The following SHROOM3 variants were observed in gnomAD, a reference collection of about 807,000 sequenced individuals.
SHROOM3 encodes the protein protein Shroom3.
SHROOM3 carries 47 observed loss-of-function variants against 138.6 expected under a neutral mutation model. The ratio of observed to expected loss-of-function variants is 0.34; its 90% CI spans 0.27 to 0.43. The LOEUF (loss-of-function observed/expected upper bound fraction) is 0.43, where lower values mean the gene tolerates loss of function less well. SHROOM3 is among the 20% of genes least tolerant of loss of function. The pLI, the probability that SHROOM3 is intolerant of heterozygous loss-of-function variation, is 1.00. For synonymous variants in SHROOM3, 1,062 were observed against 1,063.3 expected, an observed-to-expected ratio of 1.00 and a Z score of 0.02; for missense variants, 2,491 against 2,596.5, an observed-to-expected ratio of 0.96 and a Z score of 0.88.
chr4:76,743,843 A>G (rs1341815194), intron 5 of SHROOM3, among the ~76,000 whole-genome samples: 1 of 152,166 alleles, frequency 6.6e-6, no homozygotes, highest in African/African-American at 2.4e-5. Context: ...CTATCCTACC[A>G]CTAACACACA....
intron 1 of SHROOM3, among the ~76,000 whole-genome samples, chr4:76,540,513 T>C (rs867326673): frequency 6.6e-6 from 1 of 152,106 alleles, no homozygotes; most frequent in Non-Finnish European, 1.5e-5. Flanking sequence ...TCAAAATCAA[T>C]CTCATAATGA....
In SHROOM3 at chr4:76,741,821, C is replaced by T. The variant is rs778932431; in HGVS notation, c.3648C>T (p.Ala1216=). Residue 1216 remains alanine (A), a synonymous_variant, in exon 5 of 11, where the codon GCC becomes GCT. Transcript: ENST00000296043. The surrounding 1 kb of genome is among the most constrained non-coding windows in gnomAD (Gnocchi z 6.2). ...AGCCATCCTCCTGGGGGGCCAGGGC[C>T]GGGAAGTCCATGTCGGCCGAGGACC... ...PREPSSWGAR[A]GKSMSAEDLL... is the part of the protein sequence containing the mutation. The T allele has an allele frequency of 1.9e-6, 3 of 1,592,588 alleles. No homozygotes were observed. The highest frequency in any genetic ancestry group is 1.3e-5 in the African/African-American group (1 of 74,792).
chr4:76,612,105 G>T (rs575881649), intron 2 of SHROOM3, among the ~76,000 whole-genome samples: 7 of 151,986 alleles, frequency 4.6e-5, no homozygotes, highest in Non-Finnish European at 8.8e-5. Context: ...CTCTAAACCC[G>T]CTCAGAGGGA....
At chr4:76,685,982 A>G (rs1719324399) in intron 2 of SHROOM3, among the ~76,000 whole-genome samples, 1 of 150,690 alleles carries the variant, frequency 6.6e-6, no homozygotes, top group African/African-American at 2.5e-5. Flanking sequence ...AAAATAAAAT[A>G]AAAGAAAGTA....
chr4:76,533,205 GATT>G (rs1185423719), intron 1 of SHROOM3, among the ~76,000 whole-genome samples: 1 of 152,178 alleles, frequency 6.6e-6, no homozygotes, highest in Admixed American at 6.5e-5. Flanking sequence ...TCAGGGCCCA[GATT>G]ATTATTTGTC....
chr4:76,712,727 A>T (rs754439731), intron 3 of SHROOM3, among the ~76,000 whole-genome samples: 1 of 152,220 alleles, frequency 6.6e-6, no homozygotes, highest in African/African-American at 2.4e-5. Flanking sequence ...TGTATGTGTC[A>T]TATCTCTACA....
At chr4:76,748,936 T>A (rs970847402) in intron 5 of SHROOM3, 81 bp from the exon 6 acceptor site, 9 of 1,377,228 alleles carry the variant, frequency 6.5e-6, no homozygotes, top group Non-Finnish European at 9.3e-6. Flanking sequence ...AGGTGTTCCT[T>A]CTCCTTTTTA....
At chr4:76,526,750 T>C (rs775964202) in intron 1 of SHROOM3, among the ~76,000 whole-genome samples, 9 of 152,140 alleles carry the variant, frequency 5.9e-5, no homozygotes, top group Non-Finnish European at 1.2e-4. Context: ...GTCTGGGAGC[T>C]TACCAGAAGA....
chr4:76,667,426 C>T (rs2110096009), intron 2 of SHROOM3, among the ~76,000 whole-genome samples: 1 of 152,178 alleles, frequency 6.6e-6, no homozygotes, highest in Non-Finnish European at 1.5e-5. Flanking sequence ...TCAGGCGATC[C>T]TCCCACCTCA....
At chr4:76,559,734 G>A (rs111228696) in intron 2 of SHROOM3, among the ~76,000 whole-genome samples, 298 of 152,292 alleles carry the variant, frequency 2.0e-3, no homozygotes, top group African/African-American at 6.4e-3. Flanking sequence ...GTCTTACCCA[G>A]TGACCAAAAA....
At chr4:76,617,852 T>G (rs893467907) in intron 2 of SHROOM3, among the ~76,000 whole-genome samples, 3 of 152,244 alleles carry the variant, frequency 2.0e-5, no homozygotes, top group Non-Finnish European at 2.9e-5. Flanking sequence ...AAATATTAAC[T>G]GTTAGAATGA....
intron 1 of SHROOM3, among the ~76,000 whole-genome samples, chr4:76,507,062 T>C (rs1452679477): frequency 3.9e-5 from 6 of 152,118 alleles, no homozygotes; most frequent in Non-Finnish European, 7.4e-5. Context: ...TCTTCTTAAA[T>C]GAAGCAAAGA....
At chr4:76,614,974 A>G (rs1430624754) in intron 2 of SHROOM3, among the ~76,000 whole-genome samples, 1 of 152,170 alleles carries the variant, frequency 6.6e-6, no homozygotes. Flanking sequence ...CTTCTCCAGA[A>G]AAAAATTGAG....
intron 1 of SHROOM3, among the ~76,000 whole-genome samples, chr4:76,462,714 C>T (rs1241689656): frequency 6.7e-6 from 1 of 148,452 alleles, no homozygotes; most frequent in Non-Finnish European, 1.5e-5. Context: ...CTCCCTCTCC[C>T]TCTCCCTCTC....
chr4:76,689,471 C>T (rs1413627075), intron 2 of SHROOM3: 1 of 950,280 alleles, frequency 1.1e-6, no homozygotes, highest in Non-Finnish European at 1.2e-6. Flanking sequence ...CTCGGCGCGC[C>T]GCGCGGGATC....
chr4:76,747,039 C>T (rs897888100), intron 5 of SHROOM3, among the ~76,000 whole-genome samples: 5 of 151,934 alleles, frequency 3.3e-5, no homozygotes, highest in East Asian at 3.9e-4. Context: ...AGGATGATCT[C>T]GATCTCCTGA....
intron 1 of SHROOM3, among the ~76,000 whole-genome samples, chr4:76,544,267 A>AT (rs1733164536): frequency 6.6e-6 from 1 of 152,232 alleles, no homozygotes; most frequent in African/African-American, 2.4e-5. Context: ...ACAAATGAGT[A>AT]TGAAAATAAA....
chr4:76,656,195 G>T (rs1736063287), intron 2 of SHROOM3, among the ~76,000 whole-genome samples: 1 of 152,104 alleles, frequency 6.6e-6, no homozygotes, highest in Admixed American at 6.5e-5. Context: ...TAGTGTATTT[G>T]TGGTACCAGA....
chr4:76,464,406 AT>A (rs1191709322), intron 1 of SHROOM3, among the ~76,000 whole-genome samples: 24 of 147,898 alleles, frequency 1.6e-4, no homozygotes, highest in South Asian at 4.3e-4. Flanking sequence ...GAAGTAACTA[AT>A]TTTTTTTTTT....
Sources: gnomAD v4.1 joint callset for allele counts (sites outside exome capture counted in the v4.1 genomes callset) on GRCh38, gnomAD v4.1.1 for gene constraint, Gnocchi (gnomAD v3.1) non-coding constraint, MANE v1.5 for transcripts, NCBI Gene and HGNC (gene_info 2026-07-23, HGNC 2026-07-21) for gene names.